The following RNF220 variants were observed in gnomAD, a reference collection of about 807,000 sequenced individuals.
The protein encoded by RNF220 is E3 ubiquitin-protein ligase RNF220.
A neutral mutation model predicts 67.1 loss-of-function variants in RNF220; 7 were observed. The observed-to-expected ratio is 0.10, with a 90% CI of 0.06 to 0.20. RNF220 has a LOEUF of 0.20. Ranked by LOEUF, RNF220 falls within the 10% of genes least tolerant of loss-of-function variation. The probability of loss-of-function intolerance (pLI) is 1.00; values close to 1 mark genes in which losing one functional copy is unlikely to be tolerated. For missense variants in RNF220, 565 were observed against 740.3 expected, an observed-to-expected ratio of 0.76 and a Z score of 2.75; for synonymous variants, 270 against 283.2, an observed-to-expected ratio of 0.95 and a Z score of 0.47.
intron 2 of RNF220, among the ~76,000 whole-genome samples, chr1:44,595,433 C>A (rs1421053453): frequency 6.6e-6 from 1 of 152,208 alleles, no homozygotes; most frequent in Non-Finnish European, 1.5e-5. Context: ...GAATCTGGCT[C>A]CCCGGGACAG....
intron 2 of RNF220, among the ~76,000 whole-genome samples, chr1:44,513,436 CTCT>C (rs961439271): frequency 7.2e-5 from 11 of 152,160 alleles, no homozygotes; most frequent in Admixed American, 6.5e-4. Context: ...CTCTTTCACT[CTCT>C]TCTTTTCAGA....
chr1:44,639,666 T>C (rs192962575), intron 8 of RNF220, among the ~76,000 whole-genome samples: 1 of 152,362 alleles, frequency 6.6e-6, no homozygotes, highest in Admixed American at 6.5e-5. Context: ...GCGTTTCTTA[T>C]CTTTCATGAG....
chr1:44,645,456 G>A lies in RNF220; in HGVS notation c.1413G>A (p.Met471Ile). The A allele has an allele frequency of 6.2e-7, 1 of 1,614,156 alleles. No individual in the cohort carries two copies. The highest frequency in any genetic ancestry group is 8.5e-7 in the Non-Finnish European group (1 of 1,180,028). Residue 471 changes from methionine (M) to isoleucine (I), a missense_variant, in exon 12 of 15, where the codon ATG (methionine) becomes ATA (isoleucine). Met to Ile is a conservative substitution (Grantham distance 10, BLOSUM62 1). Transcript: ENST00000361799. This position sits in a 1 kb window ranked among gnomAD's most constrained non-coding sequence, Gnocchi z 5.0. The part of the protein sequence containing the change: ...SNGESSKQEA[M>I]QKTCKNSDIE... ...GTGAAAGCAGCAAGCAGGAGGCCAT[G>A]CAGAAGACCTGCAAGAACAGCGACA...
intron 2 of RNF220, among the ~76,000 whole-genome samples, chr1:44,595,265 C>T (rs1471130174): frequency 6.6e-6 from 1 of 152,198 alleles, no homozygotes; most frequent in African/African-American, 2.4e-5. Context: ...CCTCGGCCGG[C>T]TCCGGGGCCC....
intron 5 of RNF220, chr1:44,631,983 G>T: frequency 1.0e-6 from 1 of 1,002,034 alleles, no homozygotes; most frequent in Non-Finnish European, 1.2e-6. Flanking sequence ...CAACATGGCC[G>T]CCGCCGCCGC....
intron 2 of RNF220, among the ~76,000 whole-genome samples, chr1:44,500,171 C>T (rs1657708505): frequency 6.6e-6 from 1 of 152,246 alleles, no homozygotes; most frequent in Non-Finnish European, 1.5e-5. Context: ...CCAAACCTCT[C>T]TACAGGCATG....
At chr1:44,578,943 A>G (rs2148337974) in intron 2 of RNF220, among the ~76,000 whole-genome samples, 1 of 152,250 alleles carries the variant, frequency 6.6e-6, no homozygotes, top group East Asian at 1.9e-4. Flanking sequence ...AGGCGGGTGG[A>G]TCACGAGGTC....
chr1:44,476,853 G>A (rs1457151388), intron 2 of RNF220, among the ~76,000 whole-genome samples: 1 of 152,118 alleles, frequency 6.6e-6, no homozygotes, highest in African/African-American at 2.4e-5. Context: ...GAAAAAGTTT[G>A]CTCTGGCCTT....
chr1:44,635,582 A>C lies in RNF220; in HGVS notation c.987A>C (p.Glu329Asp). 6.2e-7 allele frequency: 1 copy of C among 1,614,186 alleles called. No individual in the cohort carries two copies. Among genetic ancestry groups the C allele is most frequent in the Non-Finnish European group, 8.5e-7 (1 of 1,179,980 alleles). ...IGKMKRRKQD[E>D]GQREGSCMAE... ...AAATGAAACGGAGGAAGCAAGATGA[A>C]GGGCAGGTATGTCCCCTGTGCAACC... Residue 329 changes from glutamate (E) to aspartate (D), a missense_variant, in exon 7 of 15, where the codon GAA becomes GAC. Transcript: ENST00000361799.
Position 44,650,891 on chromosome 1 carries a change from C to T in RNF220, c.*116C>T, listed in dbSNP as rs1644773610. The stretch of plus-strand genomic sequence containing the variant: ...CACAGGTTCCCCATGTACATACATG[C>T]ACATACTCAAACATGCGTACACACA... On this transcript the variant is annotated 3_prime_UTR_variant, in exon 15 of 15. Coordinates refer to ENST00000361799, the MANE Select transcript of RNF220 (RefSeq NM_018150.4). The surrounding 1 kb of genome is among the most constrained non-coding windows in gnomAD (Gnocchi z 4.3). The T allele has an allele frequency of 1.1e-6, 1 of 874,056 alleles. No homozygotes were observed. 54.1% of individuals were successfully genotyped at this position (874,056 alleles called of 1,614,324 possible). A position where few individuals can be genotyped will look rare whatever the true frequency, so the allele number is the denominator to read the frequency against.
At position 44,472,833 on chromosome 1, in the gene RNF220, G is replaced by A. The variant is rs370438168; in HGVS notation, c.625+60111G>A. 5.9e-5 allele frequency among the ~76,000 whole-genome samples: 9 copies of A among 152,314 alleles called. No homozygotes were observed. The East Asian group carries it at 1.7e-3, about 29-fold the overall frequency. On this transcript the variant is annotated intron_variant, in intron 2 of 14. Coordinates refer to ENST00000361799, the MANE Select transcript of RNF220 (RefSeq NM_018150.4). ...GTCAACCAAAGTTAAGGAATGCAGTGAGCTGGGCCAGCAGGGTGACGGGAT... is the reference window on the plus strand; with the variant it reads ...GTCAACCAAAGTTAAGGAATGCAGTAAGCTGGGCCAGCAGGGTGACGGGAT...
At chr1:44,497,421 G>A (rs1013141447) in intron 2 of RNF220, among the ~76,000 whole-genome samples, 1 of 151,884 alleles carries the variant, frequency 6.6e-6, no homozygotes, top group African/African-American at 2.4e-5. Flanking sequence ...AGGTTTTCCT[G>A]TATAAAACAA....
chr1:44,630,641 G>T (rs2148468668), intron 5 of RNF220, among the ~76,000 whole-genome samples: 1 of 152,376 alleles, frequency 6.6e-6, no homozygotes, highest in Admixed American at 6.5e-5. Context: ...ACTCAGAGGA[G>T]GCATCAAACC....
intron 2 of RNF220, among the ~76,000 whole-genome samples, chr1:44,484,251 G>C (rs1475493333): frequency 2.6e-5 from 4 of 151,652 alleles, no homozygotes; most frequent in Non-Finnish European, 5.9e-5. Context: ...TGGCATAGAA[G>C]AAAAAAAAGA....
chr1:44,412,457 C>T lies in RNF220; in HGVS notation c.360C>T (p.Phe120=), dbSNP rs572771151. ...SMLNHSGVGA[F]RPFASTEDRE... ...TGAATCATAGTGGTGTGGGGGCTTT[C>T]CGGCCCTTTGCCTCCACCGAGGACC... The change falls in exon 2 of 15, where the codon TTC becomes TTT. Residue 120 remains phenylalanine (F), a synonymous_variant. Transcript: ENST00000361799. The surrounding 1 kb of genome is among the most constrained non-coding windows in gnomAD (Gnocchi z 5.3). 1.1e-5 allele frequency: 17 copies of T among 1,611,578 alleles called. No homozygotes were observed. The South Asian group carries it at 1.8e-4, about 17-fold the overall frequency.
chr1:44,627,225 A>C (rs1349027157), intron 5 of RNF220, among the ~76,000 whole-genome samples: 1 of 147,440 alleles, frequency 6.8e-6, no homozygotes, highest in Admixed American at 6.8e-5. Context: ...GGCGCCTGTA[A>C]TCCCAGCTAC....
At chr1:44,500,470 T>G (rs1657737736) in intron 2 of RNF220, among the ~76,000 whole-genome samples, 1 of 152,188 alleles carries the variant, frequency 6.6e-6, no homozygotes, top group Non-Finnish European at 1.5e-5. Flanking sequence ...GGTGGACTTG[T>G]GTCTGAAATA....
chr1:44,524,464 C>T (rs1057259226), intron 2 of RNF220, among the ~76,000 whole-genome samples: 1 of 152,170 alleles, frequency 6.6e-6, no homozygotes, highest in Non-Finnish European at 1.5e-5. Flanking sequence ...CCTCCTTCCA[C>T]CCAAACCCGG....
chr1:44,613,049 T>C (rs270731), intron 2 of RNF220, among the ~76,000 whole-genome samples: 8,365 of 148,822 alleles, frequency 0.056, 341 homozygotes, highest in South Asian at 0.12. Flanking sequence ...AGAGCATCCA[T>C]GGATATGCAG....
Sources: gnomAD v4.1 joint callset for allele counts (sites outside exome capture counted in the v4.1 genomes callset) on GRCh38, gnomAD v4.1.1 for gene constraint, Gnocchi (gnomAD v3.1) non-coding constraint, MANE v1.5 for transcripts, NCBI Gene and HGNC (gene_info 2026-07-23, HGNC 2026-07-21) for gene names.